The following PAK6 variants were observed in gnomAD, a reference collection of about 807,000 sequenced individuals.
PAK6 encodes p21 (RAC1) activated kinase 6.
A neutral mutation model predicts 60.8 loss-of-function variants in PAK6; 33 were observed. The ratio of observed to expected loss-of-function variants is 0.54; its 90% confidence interval spans 0.41 to 0.73. The LOEUF is 0.73. PAK6 is among the 30% of genes least tolerant of loss of function. PAK6 has a pLI of 0.00. For missense variants in PAK6, 845 were observed against 904.1 expected (o/e 0.93, Z 0.84); for synonymous variants, 404 against 378.5 (o/e 1.07, Z -0.78).
chr15:40,276,041 G>A, exon 11 of PAK6: 1 of 1,613,356 alleles, frequency 6.2e-7, no homozygotes, highest in Non-Finnish European at 8.5e-7. Context: ...AGGGCTACCT[G>A]AGTGCCTGGT....
exon 11 of PAK6, chr15:40,276,102 C>T: frequency 6.2e-7 from 1 of 1,612,336 alleles, no homozygotes; most frequent in Non-Finnish European, 8.5e-7. Flanking sequence ...TGAGCCCACC[C>T]CAAGTATGCC....
At chr15:40,275,880 G>A (rs201635090) in intron 10 of PAK6, 47 bp from the exon 11 acceptor site, 554 of 1,564,144 alleles carry the variant, frequency 3.5e-4, no homozygotes, top group Non-Finnish European at 4.4e-4. Context: ...AGGTCACCCC[G>A]AAGTGACTGC....
At chr15:40,250,343 T>G (rs567097967) in intron 2 of PAK6, among the ~76,000 whole-genome samples, 1 of 152,342 alleles carries the variant, frequency 6.6e-6, no homozygotes, top group East Asian at 1.9e-4. Flanking sequence ...GAACCTCATG[T>G]AGACGAGACT....
chr15:40,274,248 C>A, exon 10 of PAK6: 7 of 1,610,832 alleles, frequency 4.3e-6, no homozygotes, highest in Non-Finnish European at 5.9e-6. Flanking sequence ...CGGGACAGCC[C>A]CCCACCCAAG....
chr15:40,266,355 A>C (rs1231742473), exon 5 of PAK6: 22 of 1,612,694 alleles, frequency 1.4e-5, no homozygotes, highest in Non-Finnish European at 1.9e-5. Context: ...AGCCACAGGC[A>C]GGCCAGGTGG....
At chr15:40,267,383 C>T (rs765978961) in intron 5 of PAK6, among the ~76,000 whole-genome samples, 2 of 152,186 alleles carry the variant, frequency 1.3e-5, no homozygotes, top group African/African-American at 4.8e-5. Flanking sequence ...GGCGGCCGCG[C>T]GTGGTGGCTC....
chr15:40,261,045 C>T (rs1417454918), intron 3 of PAK6, among the ~76,000 whole-genome samples: 1 of 151,880 alleles, frequency 6.6e-6, no homozygotes, highest in Non-Finnish European at 1.5e-5. Flanking sequence ...CCCACCACCA[C>T]ACCCGGCTAA....
chr15:40,274,231 G>A (rs139943572), exon 10 of PAK6: 1 of 1,613,516 alleles, frequency 6.2e-7, no homozygotes, highest in South Asian at 1.1e-5. Flanking sequence ...AAGCCATGAA[G>A]AGGCTCCGGG....
chr15:40,276,028 G>A, exon 11 of PAK6: 1 of 1,613,556 alleles, frequency 6.2e-7, no homozygotes, highest in Non-Finnish European at 8.5e-7. Context: ...TCCTGCTGCA[G>A]ACAGGGCTAC....
intron 5 of PAK6, among the ~76,000 whole-genome samples, chr15:40,269,187 T>G (rs1227852782): frequency 6.6e-6 from 1 of 152,046 alleles, no homozygotes; most frequent in Non-Finnish European, 1.5e-5. Flanking sequence ...CCCAACTAAT[T>G]TTTGTATTTT....
exon 5 of PAK6, chr15:40,266,208 C>A: frequency 6.2e-7 from 1 of 1,609,744 alleles, no homozygotes. Flanking sequence ...TGCCTCGCAG[C>A]GCTGTCTGCA....
rs1051874444 is a variant in PAK6, at chr15:40,244,640, C to T, written c.-118+3959C>T. On this transcript the variant is annotated intron_variant, in intron 2 of 10. Transcript: ENST00000560346. ...CTCGAACTCCTGACCTCAGGTGATC[C>T]GCCGACCTCAGCCTCCCAAAGTGCT... Among the ~76,000 whole-genome samples the T allele has an allele frequency of 5.9e-5, 9 of 152,058 alleles. No individual in the cohort carries two copies. The South Asian group carries it at 8.3e-4, about 14-fold the overall frequency.
intron 2 of PAK6, among the ~76,000 whole-genome samples, chr15:40,242,286 C>T (rs1394045585): frequency 6.6e-6 from 1 of 152,338 alleles, no homozygotes; most frequent in East Asian, 1.9e-4. Flanking sequence ...GATTGAATTC[C>T]TCACCCAAAT....
chr15:40,253,366 A>G, intron 3 of PAK6, 77 bp downstream of exon 3: 1 of 432,798 alleles, frequency 2.3e-6, no homozygotes, highest in Non-Finnish European at 4.7e-6. Context: ...GACAGTGGGC[A>G]GGCAGGTGGC....
chr15:40,272,573 C>G, exon 6 of PAK6: 1 of 1,613,338 alleles, frequency 6.2e-7, no homozygotes, highest in Non-Finnish European at 8.5e-7. Flanking sequence ...CAGGGTGACC[C>G]CCGGCTGCTG....
Position 40,266,513 on chromosome 15 carries a change from C to A in PAK6, c.858+18C>A. 1 of 1,574,432 alleles carries A rather than the reference C, an allele frequency of 6.4e-7. No individual in the cohort carries two copies. Among genetic ancestry groups the A allele is most frequent in the Non-Finnish European group, 8.6e-7 (1 of 1,160,576 alleles). On this transcript the variant is annotated intron_variant, in intron 5 of 10. Transcript: ENST00000560346. ...AGAGCAAGGTAAGTCAGGAGCCTGG[C>A]CTGCAGGTGTCCACTGGGGAGTGGG...
exon 5 of PAK6, chr15:40,266,340 G>A (rs2039135117): frequency 6.2e-7 from 1 of 1,612,394 alleles, no homozygotes; most frequent in Non-Finnish European, 8.5e-7. Flanking sequence ...CTGCCTGGTG[G>A]GCTCAGCCAC....
chr15:40,261,736 T>G (rs1279458025), intron 3 of PAK6, among the ~76,000 whole-genome samples: 1 of 152,104 alleles, frequency 6.6e-6, no homozygotes, highest in African/African-American at 2.4e-5. Flanking sequence ...CAGACCTAAG[T>G]GATGGCCTCT....
intron 10 of PAK6, 145 bp downstream of exon 10, chr15:40,274,421 C>T (rs1455715360): frequency 1.2e-6 from 1 of 860,128 alleles, no homozygotes. Flanking sequence ...CCACACAAAA[C>T]CCGCACCTGG....
Sources: allele counts gnomAD v4.1 joint callset (sites outside exome capture counted in the v4.1 genomes callset), GRCh38; gene constraint gnomAD v4.1.1; transcripts MANE v1.5; gene names NCBI Gene and HGNC (gene_info 2026-07-23, HGNC 2026-07-21).